Variants in SGCZ observed in about 807,000 individuals in gnomAD.
SGCZ encodes zeta-sarcoglycan.
A neutral mutation model predicts 41.3 loss-of-function variants in SGCZ; 40 were observed. The ratio of observed to expected loss-of-function variants is 0.97; its 90% CI spans 0.75 to 1.26. SGCZ has a LOEUF of 1.26. SGCZ is among the 50% of genes most tolerant of loss of function. SGCZ has a pLI of 0.00. For missense variants in SGCZ, 552 were observed against 369.8 expected, an observed-to-expected ratio of 1.49 and a Z score of -4.04; for synonymous variants, 206 against 137.5, an observed-to-expected ratio of 1.50 and a Z score of -3.49.
At chr8:14,311,739 C>T (rs982407891) in intron 3 of SGCZ, among the ~76,000 whole-genome samples, 1 of 152,058 alleles carries the variant, frequency 6.6e-6, no homozygotes, top group Admixed American at 6.6e-5. Context: ...AATTTGTATT[C>T]TTTGAATATA....
At chr8:14,752,371 C>G (rs915197654) in intron 1 of SGCZ, among the ~76,000 whole-genome samples, 2 of 152,130 alleles carry the variant, frequency 1.3e-5, no homozygotes, top group African/African-American at 4.8e-5. Context: ...TCTGCAAAGC[C>G]AGCCCTAGGT....
intron 1 of SGCZ, among the ~76,000 whole-genome samples, chr8:14,675,581 C>G (rs758485520): frequency 2.0e-5 from 3 of 151,692 alleles, no homozygotes; most frequent in Non-Finnish European, 2.9e-5. Flanking sequence ...GTTAAATTAC[C>G]AAAAAATATA....
chr8:14,945,303 T>A (rs545435098), intron 1 of SGCZ, among the ~76,000 whole-genome samples: 1 of 152,256 alleles, frequency 6.6e-6, no homozygotes, highest in Non-Finnish European at 1.5e-5. Context: ...GATCTTCCCA[T>A]TTCCTCCATA....
rs115826042 is a variant in SGCZ at position 15,029,371 on chromosome 8, A to G, written c.39+208214T>C. On this transcript the variant is annotated intron_variant, in intron 1 of 7. Transcript: ENST00000382080. ...TGCATTTGGGCCATATACCAAATAT[A>G]TGTTATGGTATTTTTCTGTGGACTT... is the stretch of plus-strand genomic sequence containing the variant. 7.4e-3 allele frequency among the ~76,000 whole-genome samples: 1,133 copies of G among 152,138 alleles called. 12 individuals are homozygous for G. The highest frequency in any genetic ancestry group is 0.026 in the African/African-American group (1,083 of 41,530).
chr8:14,232,043 T>C (rs1585257666), intron 4 of SGCZ, among the ~76,000 whole-genome samples: 2 of 151,952 alleles, frequency 1.3e-5, no homozygotes, highest in Non-Finnish European at 1.5e-5. Flanking sequence ...TTAATAGACA[T>C]TGACTCAAAA....
At chr8:14,945,041 C>T (rs1057309062) in intron 1 of SGCZ, among the ~76,000 whole-genome samples, 1 of 151,992 alleles carries the variant, frequency 6.6e-6, no homozygotes, top group East Asian at 1.9e-4. Context: ...CACTTCCATC[C>T]TGTGAAAGTT....
intron 3 of SGCZ, among the ~76,000 whole-genome samples, chr8:14,263,123 A>G (rs1428244230): frequency 1.3e-5 from 2 of 152,210 alleles, no homozygotes; most frequent in Non-Finnish European, 2.9e-5. Context: ...GGAAGTTAAG[A>G]TATTAAACAC....
intron 1 of SGCZ, among the ~76,000 whole-genome samples, chr8:14,589,838 G>A (rs979076424): frequency 3.9e-5 from 6 of 152,034 alleles, no homozygotes; most frequent in African/African-American, 9.7e-5. Flanking sequence ...GGAAATTAAG[G>A]CCAAGAAGAA....
intron 2 of SGCZ, among the ~76,000 whole-genome samples, chr8:14,534,391 T>C (rs1214320171): frequency 1.3e-5 from 2 of 152,074 alleles, no homozygotes; most frequent in Non-Finnish European, 2.9e-5. Flanking sequence ...GACTATTTCT[T>C]CTTACTGGAA....
At chr8:14,284,698 C>T (rs949832432) in intron 3 of SGCZ, among the ~76,000 whole-genome samples, 1 of 152,022 alleles carries the variant, frequency 6.6e-6, no homozygotes, top group African/African-American at 2.4e-5. Context: ...TTTTCTGCAC[C>T]TTGTTACTCA....
chr8:14,734,862 C>G (rs1432763657), intron 1 of SGCZ, among the ~76,000 whole-genome samples: 2 of 151,788 alleles, frequency 1.3e-5, no homozygotes, highest in Non-Finnish European at 2.9e-5. Context: ...AAAAAATTAA[C>G]TGCTAAACAA....
At chr8:15,142,681 A>C (rs1585607659) in intron 1 of SGCZ, among the ~76,000 whole-genome samples, 9 of 120,044 alleles carry the variant, frequency 7.5e-5, no homozygotes, top group East Asian at 2.5e-4. Context: ...CCCCAATCTC[A>C]TCTCACTGTA....
At chr8:14,960,318 C>G (rs1321987677) in intron 1 of SGCZ, among the ~76,000 whole-genome samples, 2 of 151,884 alleles carry the variant, frequency 1.3e-5, no homozygotes, top group East Asian at 3.9e-4. Context: ...TATTGATAGC[C>G]ACAGGTTGAG....
chr8:14,768,610 T>C (rs1800119925), intron 1 of SGCZ, among the ~76,000 whole-genome samples: 2 of 152,180 alleles, frequency 1.3e-5, no homozygotes, highest in South Asian at 2.1e-4. Context: ...CCTGCATCCC[T>C]TCCCCATCAG....
chr8:14,793,798 G>T (rs1801036739), intron 1 of SGCZ, among the ~76,000 whole-genome samples: 1 of 152,088 alleles, frequency 6.6e-6, no homozygotes, highest in Non-Finnish European at 1.5e-5. Context: ...CTTTCACCTT[G>T]GCAGAAGTCT....
At chr8:15,206,766 C>G (rs150254521) in intron 1 of SGCZ, among the ~76,000 whole-genome samples, 79 of 150,596 alleles carry the variant, frequency 5.2e-4, no homozygotes, top group African/African-American at 1.7e-3. Context: ...CTTTAATGAG[C>G]AACTAAAGAG....
intron 5 of SGCZ, among the ~76,000 whole-genome samples, chr8:14,110,210 T>A (rs1216208306): frequency 6.6e-6 from 1 of 152,076 alleles, no homozygotes; most frequent in East Asian, 1.9e-4. Context: ...CATTTGTATA[T>A]CTCAAAGAGA....
chr8:14,640,847 C>T (rs1018883290), intron 1 of SGCZ, among the ~76,000 whole-genome samples: 1 of 151,624 alleles, frequency 6.6e-6, no homozygotes, highest in African/African-American at 2.4e-5. Context: ...GTTCTGAATA[C>T]TCTGGGTATG....
chr8:14,277,977 T>C (rs1050183156), intron 3 of SGCZ, among the ~76,000 whole-genome samples: 8 of 152,150 alleles, frequency 5.3e-5, no homozygotes, highest in East Asian at 1.9e-4. Context: ...AGAATTTTTA[T>C]CTACTCTTCT....
Sources: allele counts gnomAD v4.1 joint callset (sites outside exome capture counted in the v4.1 genomes callset), GRCh38; gene constraint gnomAD v4.1.1; transcripts MANE v1.5; gene names NCBI Gene and HGNC (gene_info 2026-07-23, HGNC 2026-07-21).